Variants in GUCY2C observed in about 807,000 individuals in gnomAD.
The protein encoded by GUCY2C is guanylyl cyclase C.
In GUCY2C, 118 loss-of-function variants were observed where a neutral mutation model predicts 131.1. That is an observed-to-expected ratio of 0.90 (90% CI 0.78 to 1.05). GUCY2C has a LOEUF of 1.05. GUCY2C is among the 50% of genes least tolerant of loss of function. GUCY2C has a pLI of 0.00. For synonymous variants in GUCY2C, 452 were observed against 457.8 expected (o/e 0.99, Z 0.16); for missense variants, 1,161 against 1,304.4 (o/e 0.89, Z 1.69).
chr12:14,614,953 CA>C lies in GUCY2C; in HGVS notation c.2971-11del. 6.5e-7 allele frequency: 1 copy of C among 1,528,278 alleles called. No homozygotes were observed. Among genetic ancestry groups the C allele is most frequent in the Non-Finnish European group, 8.9e-7 (1 of 1,126,842 alleles). The allele number at this position is 1,528,278 out of a possible 1,614,324, so 94.7% of individuals were successfully genotyped here. On this transcript the variant is annotated splice_polypyrimidine_tract_variant and intron_variant, in intron 25 of 26. Transcript: ENST00000261170. ...TCTCATTTCCTCTTCCCTGGTAAGA[CA>C]AAAGAGTTACGTACCACGGAGTCCA...
chr12:14,692,955 C>T (rs1007557423), intron 1 of GUCY2C, among the ~76,000 whole-genome samples: 2 of 152,062 alleles, frequency 1.3e-5, no homozygotes, highest in African/African-American at 4.8e-5. Flanking sequence ...TTTATGTGTA[C>T]TGCTTTCTCT....
chr12:14,616,095 G>A (rs149836904), intron 25 of GUCY2C, among the ~76,000 whole-genome samples: 2 of 152,190 alleles, frequency 1.3e-5, no homozygotes, highest in African/African-American at 2.4e-5. Flanking sequence ...TCTGATCTAC[G>A]CCCACAGAGA....
chr12:14,673,652 G>T (rs1280739315), intron 8 of GUCY2C, among the ~76,000 whole-genome samples: 1 of 152,172 alleles, frequency 6.6e-6, no homozygotes, highest in Non-Finnish European at 1.5e-5. Flanking sequence ...GAGATATTAA[G>T]GGTCGTACGG....
At position 14,622,280 on chromosome 12, in the gene GUCY2C, T is replaced by C. The variant is rs2287538; in HGVS notation, c.2409-83A>G. Reference sequence around the variant, plus strand: ...ACATAAATCTTTCAGGTAGTAGTGATTGTCTACCAAGAATTCTAGAATTTG... The same window carrying C: ...ACATAAATCTTTCAGGTAGTAGTGACTGTCTACCAAGAATTCTAGAATTTG... On this transcript the variant is annotated intron_variant, in intron 21 of 26. Coordinates refer to ENST00000261170, the MANE Select transcript of GUCY2C (RefSeq NM_004963.4). The C allele has an allele frequency of 0.4, 333,596 of 827,378 alleles. 70,375 individuals carry two copies. Among genetic ancestry groups the C allele is most frequent in the Admixed American group, 0.58 (15,507 of 26,944 alleles). The allele number at this position is 827,378 out of a possible 1,614,324, so 51.3% of individuals were successfully genotyped here.
rs7966185 is a variant in GUCY2C at position 14,643,709 on chromosome 12, G to T, written c.1798-3C>A. 8.7e-3 allele frequency: 14,064 copies of T among 1,608,940 alleles called. 1,007 individuals are homozygous for T. The African/African-American group carries it at 0.16, about 18-fold the overall frequency. On this transcript the variant is annotated splice_region_variant and splice_polypyrimidine_tract_variant and intron_variant, in intron 16 of 26. Transcript: ENST00000261170. ...CTGGAGTGCAGATATGACATTCCCT[G>T]TAATTTTTTAGATGATAGAAAAACA... is the stretch of plus-strand genomic sequence containing the variant.
At chr12:14,679,777 A>T (rs879779973) in intron 5 of GUCY2C, 24 bp from the exon 6 acceptor site, 4 of 1,187,772 alleles carry the variant, frequency 3.4e-6, no homozygotes, top group Non-Finnish European at 5.1e-6. Context: ...TAAGACAAGG[A>T]GAGAAATATA....
intron 19 of GUCY2C, among the ~76,000 whole-genome samples, chr12:14,630,002 A>G (rs763145818): frequency 6.6e-6 from 1 of 152,096 alleles, no homozygotes; most frequent in Non-Finnish European, 1.5e-5. Flanking sequence ...GCACAGCTGC[A>G]GTAGAGAAGT....
intron 6 of GUCY2C, among the ~76,000 whole-genome samples, chr12:14,678,109 C>T (rs944667637): frequency 6.6e-6 from 1 of 152,150 alleles, no homozygotes; most frequent in Non-Finnish European, 1.5e-5. Context: ...CACTGCTGTG[C>T]CCAGCATATT....
intron 1 of GUCY2C, among the ~76,000 whole-genome samples, chr12:14,694,088 T>G (rs1948618722): frequency 6.6e-6 from 1 of 152,140 alleles, no homozygotes; most frequent in Non-Finnish European, 1.5e-5. Flanking sequence ...CCACATGCTA[T>G]TCATATCGGG....
In GUCY2C at chr12:14,613,410, G is replaced by C; in HGVS notation, c.3048-119C>G. Reference sequence around the variant, plus strand: ...CTCTTTGAATGCCTATTCTGTGCTAGACACAGGAAATCCAAAGAATACAAA... The same window carrying C: ...CTCTTTGAATGCCTATTCTGTGCTACACACAGGAAATCCAAAGAATACAAA... On this transcript the variant is annotated intron_variant, in intron 26 of 26. Transcript: ENST00000261170. This position sits in a 1 kb window ranked among gnomAD's most constrained non-coding sequence, Gnocchi z 4.9. 1 of 741,850 alleles carries C rather than the reference G, an allele frequency of 1.3e-6. No individual in the cohort carries two copies. Among genetic ancestry groups the C allele is most frequent in the Non-Finnish European group, 2.3e-6 (1 of 433,502 alleles). The allele number at this position is 741,850 out of a possible 1,614,324, so 46.0% of individuals were successfully genotyped here. A position where few individuals can be genotyped will look rare whatever the true frequency, so the allele number is the denominator to read the frequency against.
chr12:14,692,817 C>T (rs950257316), intron 1 of GUCY2C, among the ~76,000 whole-genome samples: 1 of 152,080 alleles, frequency 6.6e-6, no homozygotes, highest in Non-Finnish European at 1.5e-5. Flanking sequence ...CCATTGCACT[C>T]CAGCCTGGGC....
rs1947399072 is a variant in GUCY2C, at chr12:14,641,299, T to C, written c.1931-80A>G. ...CCTCCAACCTGCTTTTGCTCTCTAA[T>C]TCCCTACACCATCCACTCTAAATAT... On this transcript the variant is annotated intron_variant, in intron 17 of 26. Transcript: ENST00000261170. The C allele has an allele frequency of 3.7e-6, 5 of 1,343,946 alleles. No homozygotes were observed. The Admixed American group carries it at 8.5e-5, about 23-fold the overall frequency. The allele number at this position is 1,343,946 out of a possible 1,614,324, so 83.3% of individuals were successfully genotyped here. A position where few individuals can be genotyped will look rare whatever the true frequency, so the allele number is the denominator to read the frequency against.
In GUCY2C at chr12:14,696,356, G is replaced by A. The variant is rs767736094; in HGVS notation, c.93C>T (p.His31=). The A allele has an allele frequency of 6.8e-6, 11 of 1,613,842 alleles. No individual in the cohort carries two copies. The highest frequency in any genetic ancestry group is 7.6e-6 in the Non-Finnish European group (9 of 1,179,846). The change falls in exon 1 of 27, where the codon CAC becomes CAT. Residue 31 remains histidine, a synonymous_variant. Coordinates refer to ENST00000261170, the MANE Select transcript of GUCY2C (RefSeq NM_004963.4). ...SFSSQVSQNC[H]NGSYEISVLM... is the part of the protein sequence containing the mutation. ...GGACGCTGATTTCATAGCTGCCATT[G>A]TGGCAGTTCTGACTCACCTGGGAAC...
At chr12:14,670,386 A>G (rs1948081437) in intron 9 of GUCY2C, among the ~76,000 whole-genome samples, 1 of 152,220 alleles carries the variant, frequency 6.6e-6, no homozygotes, top group African/African-American at 2.4e-5. Flanking sequence ...CTTTTCTTGT[A>G]CATGACATTA....
rs766724873 is a variant in GUCY2C at position 14,651,925 on chromosome 12, T to G, written c.1605+34A>C. ...GTGATTAGAGGAAATGAAGTGAAGT[T>G]ATTTCTCAAGGGTTTGAAGTAAGGG... is the stretch of plus-strand genomic sequence containing the variant. On this transcript the variant is annotated intron_variant, in intron 14 of 26. Coordinates refer to ENST00000261170, the MANE Select transcript of GUCY2C (RefSeq NM_004963.4). 6 of 1,191,540 alleles carry G rather than the reference T, an allele frequency of 5.0e-6. No individual in the cohort carries two copies. In the East Asian group the frequency reaches 1.4e-4, roughly 28 times the overall value. 73.8% of individuals were successfully genotyped at this position (1,191,540 alleles called of 1,614,324 possible).
At position 14,681,096 on chromosome 12, in the gene GUCY2C, G is replaced by A. The variant is rs181551862; in HGVS notation, c.733+260C>T. Among the ~76,000 whole-genome samples, 152 of 152,110 alleles carry A rather than the reference G, an allele frequency of 1.0e-3. 1 individual carries two copies. The highest frequency in any genetic ancestry group is 2.7e-3 in the African/African-American group (113 of 41,484). On this transcript the variant is annotated intron_variant, in intron 5 of 26. Coordinates refer to ENST00000261170, the MANE Select transcript of GUCY2C (RefSeq NM_004963.4). Reference sequence around the variant, plus strand: ...AATATCATTTGGGTTTATAAAAGCCGGATTTTAGCATTATCGTTATTATGT... The same window carrying A: ...AATATCATTTGGGTTTATAAAAGCCAGATTTTAGCATTATCGTTATTATGT...
At chr12:14,659,020 G>C (rs1444486410) in intron 11 of GUCY2C, among the ~76,000 whole-genome samples, 3 of 151,752 alleles carry the variant, frequency 2.0e-5, no homozygotes, top group Non-Finnish European at 2.9e-5. Context: ...TTTACATGTG[G>C]AAAGCCTACC....
intron 10 of GUCY2C, among the ~76,000 whole-genome samples, chr12:14,666,662 G>C (rs1476509996): frequency 6.6e-6 from 1 of 151,414 alleles, no homozygotes; most frequent in Non-Finnish European, 1.5e-5. Context: ...TTGAATCCGG[G>C]AGGCAGAGGT....
rs34629608 is a variant in GUCY2C at position 14,639,299 on chromosome 12, CAAAAAAA to C, written c.2157+556_2157+562del. Among the ~76,000 whole-genome samples the C allele has an allele frequency of 1.9e-4, 15 of 77,114 alleles. No homozygotes were observed. In the East Asian group the frequency reaches 4.9e-3, roughly 25 times the overall value. The allele number at this position is 77,114 out of a possible 152,430, so 50.6% of individuals were successfully genotyped here. A position where few individuals can be genotyped will look rare whatever the true frequency, so the allele number is the denominator to read the frequency against. On this transcript the variant is annotated intron_variant, in intron 19 of 26. Coordinates refer to ENST00000261170, the MANE Select transcript of GUCY2C (RefSeq NM_004963.4). ...AGAGTGACAGAGCAAGACTCCGTCT[CAAAAAAA>C]AAAAAAAAAAAAAAATAGAGAATGA...
Sources: gnomAD v4.1 joint callset for allele counts (sites outside exome capture counted in the v4.1 genomes callset) on GRCh38, gnomAD v4.1.1 for gene constraint, Gnocchi (gnomAD v3.1) non-coding constraint, MANE v1.5 for transcripts, NCBI Gene and HGNC (gene_info 2026-07-23, HGNC 2026-07-21) for gene names.